DPP6: variants seen among roughly 807,000 people sequenced by gnomAD.
The protein encoded by DPP6 is dipeptidyl peptidase like 6, also known as A-type potassium channel modulatory protein DPP6.
A neutral mutation model predicts 122.6 loss-of-function variants in DPP6; 69 were observed. That is an observed-to-expected ratio of 0.56 (90% CI 0.46 to 0.69). The LOEUF (loss-of-function observed/expected upper bound fraction) is 0.69. DPP6 is among the 30% of genes least tolerant of loss of function. The pLI is 0.00. For missense variants in DPP6, 928 were observed against 1,116.9 expected, an observed-to-expected ratio of 0.83 and a Z score of 2.41; for synonymous variants, 418 against 433.1, an observed-to-expected ratio of 0.97 and a Z score of 0.43.
chr7:154,743,917 G>A lies in DPP6; in HGVS notation c.883+16030G>A, dbSNP rs530579517. ...ATACTGTACTTTCCATATGTATTTG[G>A]TTGAAAAAATCTGCACATAAGTCGA... is the stretch of plus-strand genomic sequence containing the variant. On this transcript the variant is annotated intron_variant, in intron 8 of 25. Coordinates refer to ENST00000377770, the MANE Select transcript of DPP6 (RefSeq NM_130797.4). 6.6e-5 allele frequency among the ~76,000 whole-genome samples: 10 copies of A among 152,260 alleles called. No homozygotes were observed. In the South Asian group the frequency reaches 2.1e-3, roughly 32 times the overall value.
At chr7:153,929,266 G>A (rs1324352430) in intron 1 of DPP6, among the ~76,000 whole-genome samples, 1 of 152,130 alleles carries the variant, frequency 6.6e-6, no homozygotes, top group Admixed American at 6.5e-5. Context: ...TGAAAAAACA[G>A]CATTCCAGGT....
chr7:154,216,610 T>C (rs1204340968), intron 1 of DPP6, among the ~76,000 whole-genome samples: 1 of 152,150 alleles, frequency 6.6e-6, no homozygotes, highest in Non-Finnish European at 1.5e-5. Context: ...GATGATCCTC[T>C]CTTCTAAAAG....
chr7:154,001,099 C>G (rs1027301502), intron 1 of DPP6, among the ~76,000 whole-genome samples: 49 of 152,036 alleles, frequency 3.2e-4, no homozygotes, highest in Non-Finnish European at 4.1e-4. Context: ...TTTCCACATC[C>G]CCTGCAGATC....
intron 1 of DPP6, among the ~76,000 whole-genome samples, chr7:154,061,482 TTG>T (rs1801870880): frequency 6.8e-6 from 1 of 147,128 alleles, no homozygotes; most frequent in Non-Finnish European, 1.5e-5. Context: ...TTAGAGGGCC[TTG>T]GCAGCAACTG....
At chr7:154,500,867 A>C (rs953380511) in intron 3 of DPP6, among the ~76,000 whole-genome samples, 1 of 152,172 alleles carries the variant, frequency 6.6e-6, no homozygotes, top group African/African-American at 2.4e-5. Context: ...CAGTTTGGAG[A>C]GCTCAGAAGA....
At chr7:154,113,672 C>T (rs1806770406) in intron 1 of DPP6, among the ~76,000 whole-genome samples, 1 of 152,124 alleles carries the variant, frequency 6.6e-6, no homozygotes, top group African/African-American at 2.4e-5. Flanking sequence ...GGGCCAATGT[C>T]ATGAAGCATT....
intron 1 of DPP6, among the ~76,000 whole-genome samples, chr7:154,126,142 A>G (rs948578204): frequency 6.6e-6 from 1 of 152,156 alleles, no homozygotes; most frequent in African/African-American, 2.4e-5. Flanking sequence ...TGAAATTTCA[A>G]ACATCTTCAA....
At chr7:153,948,848 A>G (rs1802072864) in intron 1 of DPP6, among the ~76,000 whole-genome samples, 1 of 149,136 alleles carries the variant, frequency 6.7e-6, no homozygotes, top group South Asian at 2.3e-4. Flanking sequence ...CATGAAATAA[A>G]CAGGCACAGG....
intron 1 of DPP6, among the ~76,000 whole-genome samples, chr7:154,397,261 A>G (rs1190444262): frequency 6.6e-6 from 1 of 151,906 alleles, no homozygotes; most frequent in African/African-American, 2.4e-5. Flanking sequence ...CACCAACTGA[A>G]CTCTAGTATA....
At chr7:154,757,695 C>T (rs1795224290) in intron 8 of DPP6, among the ~76,000 whole-genome samples, 1 of 152,188 alleles carries the variant, frequency 6.6e-6, no homozygotes. Flanking sequence ...GGAGAGTCTG[C>T]CTCACAGCAC....
intron 1 of DPP6, among the ~76,000 whole-genome samples, chr7:154,163,856 T>A (rs1193900647): frequency 6.6e-6 from 1 of 152,194 alleles, no homozygotes; most frequent in Non-Finnish European, 1.5e-5. Flanking sequence ...TCCCTGTGCT[T>A]GGCCCCTCTC....
chr7:154,061,816 G>A (rs530096272), intron 1 of DPP6, among the ~76,000 whole-genome samples: 30 of 132,086 alleles, frequency 2.3e-4, no homozygotes, highest in East Asian at 2.0e-3. Context: ...CTGAGAGCGA[G>A]CCCCTCTTCC....
At chr7:154,555,878 T>TA (rs1186958291) in intron 4 of DPP6, among the ~76,000 whole-genome samples, 1 of 151,846 alleles carries the variant, frequency 6.6e-6, no homozygotes, top group Non-Finnish European at 1.5e-5. Flanking sequence ...TTGAAAACAT[T>TA]AAAAAAATTG....
intron 1 of DPP6, among the ~76,000 whole-genome samples, chr7:154,113,952 T>C (rs1806793134): frequency 6.6e-6 from 1 of 152,118 alleles, no homozygotes; most frequent in Non-Finnish European, 1.5e-5. Flanking sequence ...CTATTCAGCA[T>C]AGTAGTGGAA....
At chr7:154,113,412 T>TATACACACACAC (rs1472172445) in intron 1 of DPP6, among the ~76,000 whole-genome samples, 3 of 141,794 alleles carry the variant, frequency 2.1e-5, no homozygotes, top group African/African-American at 7.8e-5. Context: ...TATATATATA[T>TATACACACACAC]ACACACACAC....
At chr7:154,092,733 G>T (rs754280100) in intron 1 of DPP6, 1 of 152,002 alleles carries the variant, frequency 6.6e-6, no homozygotes, top group African/African-American at 2.4e-5. Flanking sequence ...TATTTCCTTT[G>T]AAATGAACAA....
At chr7:154,544,997 A>C (rs549479476) in intron 4 of DPP6, among the ~76,000 whole-genome samples, 38 of 152,298 alleles carry the variant, frequency 2.5e-4, no homozygotes, top group African/African-American at 7.9e-4. Context: ...ATCCCTCATG[A>C]AGCTGGATGT....
At chr7:154,628,608 G>T (rs1835225376) in intron 5 of DPP6, among the ~76,000 whole-genome samples, 1 of 152,160 alleles carries the variant, frequency 6.6e-6, no homozygotes, top group African/African-American at 2.4e-5. Flanking sequence ...TATGAGCTGG[G>T]TAGCTCTTGT....
intron 1 of DPP6, among the ~76,000 whole-genome samples, chr7:154,146,974 CTT>C (rs1796123560): frequency 6.6e-6 from 1 of 152,118 alleles, no homozygotes; most frequent in South Asian, 2.1e-4. Context: ...GCAGATTTCT[CTT>C]GTCTCCACCT....
Sources: allele counts gnomAD v4.1 joint callset (sites outside exome capture counted in the v4.1 genomes callset), GRCh38; gene constraint gnomAD v4.1.1; transcripts MANE v1.5; gene names NCBI Gene and HGNC (gene_info 2026-07-23, HGNC 2026-07-21).